MTFR1: variants seen among roughly 807,000 people sequenced by gnomAD.
The protein encoded by MTFR1 is chondrocyte protein with a poly-proline region.
Under a neutral mutation model 38.8 loss-of-function variants are expected in MTFR1, and 28 were observed. The ratio of observed to expected loss-of-function variants is 0.72; its 90% CI spans 0.53 to 0.99. The LOEUF is 0.99. Among genes scored for constraint, MTFR1 ranks in the 50% least tolerant of loss-of-function variants. The probability of loss-of-function intolerance (pLI) is 0.00; values close to 1 mark genes in which losing one functional copy is unlikely to be tolerated. For synonymous variants in MTFR1, 145 were observed against 137.0 expected (o/e 1.06, Z -0.41); for missense variants, 358 against 395.5 (o/e 0.91, Z 0.81).
At chr8:65,647,619 T>C (rs1381051106) in intron 1 of MTFR1, among the ~76,000 whole-genome samples, 1 of 152,212 alleles carries the variant, frequency 6.6e-6, no homozygotes, top group East Asian at 1.9e-4. Context: ...CTATAGTACG[T>C]TTTGAAGTGA....
At chr8:65,749,683 T>C (rs1293181149) in intron 3 of MTFR1, among the ~76,000 whole-genome samples, 2 of 152,226 alleles carry the variant, frequency 1.3e-5, no homozygotes, top group Non-Finnish European at 2.9e-5. Flanking sequence ...TGCCCCACTT[T>C]ACACATGAGA....
At chr8:65,676,621 C>G (rs565506367) in intron 2 of MTFR1, among the ~76,000 whole-genome samples, 2 of 152,278 alleles carry the variant, frequency 1.3e-5, no homozygotes, top group South Asian at 4.1e-4. Context: ...TCTTCAGCCT[C>G]CCAAAGTGCT....
downstream of MTFR1, among the ~76,000 whole-genome samples, chr8:65,713,858 AT>A (rs201732109): frequency 4.0e-5 from 6 of 150,064 alleles, no homozygotes; most frequent in Non-Finnish European, 5.9e-5. Flanking sequence ...TAATTTTTGT[AT>A]TTTTTTTTAG....
intron 2 of MTFR1, chr8:65,679,748 C>T (rs1316841907): frequency 1.3e-5 from 2 of 152,170 alleles, no homozygotes; most frequent in Non-Finnish European, 2.9e-5. Context: ...ACTTGCGAGG[C>T]TTCCCATTTT....
In MTFR1 at chr8:65,656,095, C is replaced by G. The variant is rs141199429; in HGVS notation, c.-81+11311C>G. ...CCTGCAATCCCAGCTACTCAGGAGG[C>G]TGAGGCAGGAGAATCGCTTGAACCC... On this transcript the variant is annotated intron_variant, in intron 1 of 7. Coordinates refer to ENST00000262146, the MANE Select transcript of MTFR1 (RefSeq NM_014637.4). Among the ~76,000 whole-genome samples the G allele has an allele frequency of 9.4e-5, 14 of 148,648 alleles. No individual in the cohort carries two copies. The South Asian group carries it at 2.7e-3, about 29-fold the overall frequency.
At chr8:65,764,624 A>C (rs902711820) in intron 3 of MTFR1, among the ~76,000 whole-genome samples, 2 of 152,182 alleles carry the variant, frequency 1.3e-5, no homozygotes, top group Non-Finnish European at 2.9e-5. Flanking sequence ...AACAGAATCT[A>C]CCCTTGTATG....
At position 65,727,114 on chromosome 8, in the gene MTFR1, TGAAA is replaced by T. The variant is rs1563471855; in HGVS notation, c.*48+7636_*48+7639del. On this transcript the variant is annotated intron_variant, in intron 3 of 3. Coordinates refer to the MTFR1 transcript ENST00000521247. ...TCATTACTTTCATTTCTTCAAAATATGAAAGATTTTCTAGAATGCAAAAATAATA... is the reference window on the plus strand; with the variant it reads ...TCATTACTTTCATTTCTTCAAAATATGATTTTCTAGAATGCAAAAATAATA... The T allele has an allele frequency of 5.1e-6, 6 of 1,172,012 alleles. No homozygotes were observed. In the Admixed American group the frequency reaches 5.9e-5, roughly 12 times the overall value. The allele number at this position is 1,172,012 out of a possible 1,614,324, so 72.6% of individuals were successfully genotyped here.
chr8:65,678,719 C>T (rs974248581), intron 2 of MTFR1, among the ~76,000 whole-genome samples: 1 of 151,722 alleles, frequency 6.6e-6, no homozygotes, highest in Non-Finnish European at 1.5e-5. Context: ...TGGCCAACAT[C>T]GTGAAACCCC....
At chr8:65,717,248 A>G (rs1334024177) in intron 2 of MTFR1, among the ~76,000 whole-genome samples, 2 of 152,216 alleles carry the variant, frequency 1.3e-5, no homozygotes, top group Non-Finnish European at 2.9e-5. Flanking sequence ...AGTTTGCACC[A>G]TATCCCTTCT....
intron 7 of MTFR1, 85 bp downstream of exon 7, chr8:65,708,096 G>C: frequency 6.2e-7 from 1 of 1,603,388 alleles, no homozygotes; most frequent in Non-Finnish European, 8.5e-7. Flanking sequence ...TGATTCACCT[G>C]TGTCATCTGT....
intron 3 of MTFR1, among the ~76,000 whole-genome samples, chr8:65,747,973 T>A (rs891078092): frequency 6.6e-6 from 1 of 152,204 alleles, no homozygotes. Flanking sequence ...TTTATTTTTT[T>A]AAGTGAGTTC....
At chr8:65,743,890 T>C (rs911851154) in intron 3 of MTFR1, among the ~76,000 whole-genome samples, 2 of 151,854 alleles carry the variant, frequency 1.3e-5, no homozygotes, top group African/African-American at 4.8e-5. Context: ...TGGAGTGCAA[T>C]GGCGCGATCT....
At chr8:65,655,444 C>T (rs1022257667) in intron 1 of MTFR1, among the ~76,000 whole-genome samples, 18 of 152,084 alleles carry the variant, frequency 1.2e-4, no homozygotes, top group African/African-American at 4.1e-4. Context: ...TATGTCCGAT[C>T]CTGTGCTGGT....
At chr8:65,682,873 C>T (rs1804945263) in intron 3 of MTFR1, 8 of 985,188 alleles carry the variant, frequency 8.1e-6, no homozygotes, top group Non-Finnish European at 9.6e-6. Flanking sequence ...AGTTGCTTTC[C>T]GTCATTGGTT....
At chr8:65,753,643 C>T (rs1222039392) in intron 3 of MTFR1, among the ~76,000 whole-genome samples, 1 of 152,080 alleles carries the variant, frequency 6.6e-6, no homozygotes, top group Non-Finnish European at 1.5e-5. Context: ...TTACCTCTAA[C>T]TGGATTATAG....
At chr8:65,698,559 A>C (rs760583530) in intron 4 of MTFR1, among the ~76,000 whole-genome samples, 2 of 152,152 alleles carry the variant, frequency 1.3e-5, no homozygotes, top group Admixed American at 6.5e-5. Flanking sequence ...TTAAAAAAAA[A>C]CTTTTAGGTT....
rs148783144 is a variant in MTFR1 at position 65,652,660 on chromosome 8, G to T, written c.-81+7876G>T. Among the ~76,000 whole-genome samples the T allele has an allele frequency of 5.9e-3, 902 of 152,296 alleles. 8 individuals carry two copies. The highest frequency in any genetic ancestry group is 0.021 in the African/African-American group (872 of 41,568). On this transcript the variant is annotated intron_variant, in intron 1 of 7. Transcript: ENST00000262146. ...GATTAATTTATTGATTTGTTTTTCA[G>T]ATTGTTCACTGTTGGCATATAGAAA...
At chr8:65,655,971 A>ATATATATATG (rs1809256378) in intron 1 of MTFR1, among the ~76,000 whole-genome samples, 2 of 5,056 alleles carry the variant, frequency 4.0e-4, no homozygotes, top group African/African-American at 4.6e-3. Flanking sequence ...TATATATACC[A>ATATATATATG]TATATATATA....
At chr8:65,713,181 C>A (rs1396586039), downstream of MTFR1, among the ~76,000 whole-genome samples, 1 of 152,204 alleles carries the variant, frequency 6.6e-6, no homozygotes, top group East Asian at 1.9e-4. Flanking sequence ...TGGCTCACGC[C>A]TATAATCCCA....
Sources: allele counts gnomAD v4.1 joint callset (sites outside exome capture counted in the v4.1 genomes callset), GRCh38; gene constraint gnomAD v4.1.1; transcripts MANE v1.5; gene names NCBI Gene and HGNC (gene_info 2026-07-23, HGNC 2026-07-21).